The following ADGRL2 variants were observed in gnomAD, a reference collection of about 807,000 sequenced individuals.
ADGRL2 encodes the protein adhesion G protein-coupled receptor L2, also known as calcium-independent alpha-latrotoxin receptor 2.
Under a neutral mutation model 157.4 loss-of-function variants are expected in ADGRL2, and 44 were observed. That is an observed-to-expected ratio of 0.28 (90% CI 0.22 to 0.36). The LOEUF (loss-of-function observed/expected upper bound fraction) is 0.36. ADGRL2 is among the 10% of genes least tolerant of loss of function. The probability of loss-of-function intolerance (pLI) is 1.00; values close to 1 mark genes in which losing one functional copy is unlikely to be tolerated. For synonymous variants in ADGRL2, 585 were observed against 624.7 expected (o/e 0.94, Z 0.95); for missense variants, 1,510 against 1,768.9 (o/e 0.85, Z 2.63).
chr1:81,935,811 T>G (rs2095302913), intron 3 of ADGRL2, among the ~76,000 whole-genome samples: 1 of 151,924 alleles, frequency 6.6e-6, no homozygotes, highest in South Asian at 2.1e-4. Flanking sequence ...TGAAAAGACC[T>G]TTTGGACAAA....
At chr1:81,724,966 G>A (rs2084464520) in intron 1 of ADGRL2, among the ~76,000 whole-genome samples, 1 of 152,114 alleles carries the variant, frequency 6.6e-6, no homozygotes, top group Non-Finnish European at 1.5e-5. Flanking sequence ...AGCACTTCGG[G>A]AGGCCGAGGC....
rs115046268 is a variant in ADGRL2, at chr1:81,589,520, C to A, written c.-143+8540C>A. Among the ~76,000 whole-genome samples, 783 of 152,238 alleles carry A rather than the reference C, an allele frequency of 5.1e-3. 5 individuals are homozygous for A. Among genetic ancestry groups the A allele is most frequent in the African/African-American group, 0.018 (739 of 41,552 alleles). On this transcript the variant is annotated intron_variant, in intron 3 of 24. Coordinates refer to the ADGRL2 transcript ENST00000370721. The stretch of plus-strand genomic sequence containing the variant: ...CTTGCCCTAGTAAATATATCACATG[C>A]AGCATAACAGCTGTGATTGAAACTA...
At chr1:81,622,610 C>T (rs571744419) in intron 3 of ADGRL2, among the ~76,000 whole-genome samples, 1 of 151,804 alleles carries the variant, frequency 6.6e-6, no homozygotes, top group African/African-American at 2.4e-5. Flanking sequence ...TTTTGGGGGA[C>T]CAGGCACAGT....
At chr1:81,408,153 G>T (rs4650540) in intron 1 of ADGRL2, among the ~76,000 whole-genome samples, 65,350 of 151,956 alleles carry the variant, frequency 0.43, 14,282 homozygotes, top group East Asian at 0.54. Context: ...AAGCATTAGG[G>T]ATAGCTTGCT....
intron 2 of ADGRL2, among the ~76,000 whole-genome samples, chr1:81,550,898 A>G (rs2080130338): frequency 6.6e-6 from 1 of 152,048 alleles, no homozygotes. Flanking sequence ...CCAGGAAGGG[A>G]ATCTAGAGTC....
At chr1:81,841,645 A>G (rs1179110905) in intron 2 of ADGRL2, among the ~76,000 whole-genome samples, 1 of 152,130 alleles carries the variant, frequency 6.6e-6, no homozygotes, top group African/African-American at 2.4e-5. Context: ...ATCTGTACAT[A>G]TATACACATA....
intron 1 of ADGRL2, among the ~76,000 whole-genome samples, chr1:81,389,883 G>T (rs1448986693): frequency 1.3e-5 from 2 of 151,968 alleles, no homozygotes; most frequent in Non-Finnish European, 2.9e-5. Context: ...AACAAAAAAA[G>T]AAAGAGAGAA....
chr1:81,464,009 C>T (rs2077997222), intron 2 of ADGRL2, among the ~76,000 whole-genome samples: 1 of 151,918 alleles, frequency 6.6e-6, no homozygotes, highest in Admixed American at 6.6e-5. Flanking sequence ...AAAAACAAAC[C>T]CTTCTAGTGC....
intron 2 of ADGRL2, among the ~76,000 whole-genome samples, chr1:81,841,661 G>A (rs1197895964): frequency 6.6e-5 from 10 of 151,966 alleles, no homozygotes; most frequent in Non-Finnish European, 1.5e-5. Flanking sequence ...ACATATTTGT[G>A]TATATATGTG....
chr1:81,349,567 C>T (rs1286477874), intron 1 of ADGRL2, among the ~76,000 whole-genome samples: 1 of 150,416 alleles, frequency 6.6e-6, no homozygotes, highest in South Asian at 2.1e-4. Context: ...CCCACCCCCA[C>T]CTATCTTGCA....
In ADGRL2 at chr1:81,376,735, A is replaced by G. The variant is rs1481509867; in HGVS notation, c.-301-68301A>G. Among the ~76,000 whole-genome samples, 6 of 152,248 alleles carry G rather than the reference A, an allele frequency of 3.9e-5. 1 individual carries two copies. The highest frequency in any genetic ancestry group is 1.4e-4 in the African/African-American group (6 of 41,530). On this transcript the variant is annotated intron_variant, in intron 1 of 24. Transcript: ENST00000370721. The stretch of plus-strand genomic sequence containing the variant: ...CTTAACTCATGCATGACAGAAGAAG[A>G]TGTACACCCCAGGGGCTGATCAGCC...
intron 3 of ADGRL2, among the ~76,000 whole-genome samples, chr1:81,586,792 C>G (rs879441915): frequency 6.6e-6 from 1 of 152,060 alleles, no homozygotes; most frequent in Non-Finnish European, 1.5e-5. Flanking sequence ...CTCACTTTCT[C>G]CTTACTTCCT....
intron 1 of ADGRL2, among the ~76,000 whole-genome samples, chr1:81,439,567 A>G (rs182780151): frequency 1.5e-3 from 223 of 152,194 alleles, no homozygotes; most frequent in African/African-American, 5.1e-3. Flanking sequence ...CTGTCTGGCC[A>G]CTCTGGGTGT....
intron 1 of ADGRL2, among the ~76,000 whole-genome samples, chr1:81,416,445 C>T (rs951217342): frequency 6.6e-6 from 1 of 152,080 alleles, no homozygotes; most frequent in Admixed American, 6.6e-5. Context: ...TTGTTCCCTG[C>T]GTGCTACCTC....
chr1:81,722,106 C>T (rs2084347815), intron 1 of ADGRL2: 1 of 369,062 alleles, frequency 2.7e-6, no homozygotes, highest in Non-Finnish European at 5.2e-6. Flanking sequence ...TCCTGGCTAA[C>T]ATGGTGAAAC....
chr1:81,638,746 A>G (rs2082160812), intron 3 of ADGRL2, among the ~76,000 whole-genome samples: 1 of 152,230 alleles, frequency 6.6e-6, no homozygotes, highest in Admixed American at 6.5e-5. Flanking sequence ...AAACCACAAA[A>G]GGCAGAAAAA....
chr1:81,893,934 T>C (rs1185882569), intron 2 of ADGRL2, among the ~76,000 whole-genome samples: 1 of 152,194 alleles, frequency 6.6e-6, no homozygotes, highest in African/African-American at 2.4e-5. Flanking sequence ...ATGGTAACAC[T>C]GAAACCAACC....
chr1:81,324,903 G>C (rs1660787733), intron 1 of ADGRL2, among the ~76,000 whole-genome samples: 1 of 152,036 alleles, frequency 6.6e-6, no homozygotes, highest in Admixed American at 6.6e-5. Flanking sequence ...TTTTAGTAGA[G>C]ACGGGGTTTT....
chr1:81,990,238 G>A, intron 23 of ADGRL2, 153 bp from the exon 24 acceptor site: 6 of 985,420 alleles, frequency 6.1e-6, no homozygotes, highest in Non-Finnish European at 7.2e-6. Context: ...ACTATTTACA[G>A]TTGGGAATGC....
Sources: allele counts gnomAD v4.1 joint callset (sites outside exome capture counted in the v4.1 genomes callset), GRCh38; gene constraint gnomAD v4.1.1; transcripts MANE v1.5; gene names NCBI Gene and HGNC (gene_info 2026-07-23, HGNC 2026-07-21).